NOC4L: variants seen among roughly 807,000 people sequenced by gnomAD.
NOC4L encodes nucleolar complex associated 4 homolog, also known as nucleolar complex protein 4 homolog.
NOC4L carries 40 observed loss-of-function variants against 62.8 expected under a neutral mutation model. The observed-to-expected ratio is 0.64, with a 90% CI of 0.49 to 0.83. NOC4L has a LOEUF of 0.83. Among genes scored for constraint, NOC4L ranks in the 40% least tolerant of loss-of-function variants. The pLI is 0.00. For missense variants in NOC4L, 927 were observed against 701.9 expected, an observed-to-expected ratio of 1.32 and a Z score of -3.62; for synonymous variants, 433 against 299.8, an observed-to-expected ratio of 1.44 and a Z score of -4.59.
At position 132,148,781 on chromosome 12, in the gene NOC4L, C is replaced by A. The variant is rs776153814; in HGVS notation, c.790-3C>A. ...TCACCCCCACCTGCCGGCCCCCGCC[C>A]AGCTGCCCCTCAGCCTCTACAAGAA... On this transcript the variant is annotated splice_region_variant and splice_polypyrimidine_tract_variant and intron_variant, in intron 8 of 14. Transcript: ENST00000330579. 3 of 1,559,502 alleles carry A rather than the reference C, an allele frequency of 1.9e-6. No homozygotes were observed. Among genetic ancestry groups the A allele is most frequent in the African/African-American group, 2.7e-5 (2 of 72,942 alleles).
rs1328872295 is a variant in NOC4L at position 132,145,047 on chromosome 12, G to A, written c.238+73G>A. On this transcript the variant is annotated intron_variant, in intron 2 of 14. Transcript: ENST00000330579. ...GAGGGAGGCTTTGTCACCATGGGAT[G>A]AGCGCCCCCAACCCTGGCACAGGCC... 6.0e-6 allele frequency: 9 copies of A among 1,506,584 alleles called. No individual in the cohort carries two copies. The East Asian group carries it at 1.2e-4, about 21-fold the overall frequency. 93.3% of individuals were successfully genotyped at this position (1,506,584 alleles called of 1,614,324 possible). A position where few individuals can be genotyped will look rare whatever the true frequency, so the allele number is the denominator to read the frequency against.
At chr12:132,151,209 C>G (rs777212666) in intron 10 of NOC4L, 49 bp from the exon 11 acceptor site, 1 of 1,529,300 alleles carries the variant, frequency 6.5e-7, no homozygotes, top group South Asian at 1.1e-5. Context: ...TTGGAGGCCT[C>G]AGTTCCCGGG....
intron 4 of NOC4L, 117 bp downstream of exon 4, chr12:132,147,505 T>G: frequency 6.9e-7 from 1 of 1,444,050 alleles, no homozygotes; most frequent in East Asian, 2.4e-5. Flanking sequence ...GGGACACTCC[T>G]GTGGCTCCTG....
chr12:132,146,152 C>G, intron 3 of NOC4L: 1 of 437,504 alleles, frequency 2.3e-6, no homozygotes, highest in Non-Finnish European at 4.7e-6. Flanking sequence ...CCATCGCTTC[C>G]ATATCCCGCC....
rs368103497 is a variant in NOC4L, at chr12:132,148,807, G to C, written c.813G>C (p.Lys271Asn). 2.2e-5 allele frequency: 35 copies of C among 1,593,410 alleles called. No homozygotes were observed. The highest frequency in any genetic ancestry group is 2.8e-5 in the Non-Finnish European group (33 of 1,174,228). ...AGCTGCCCCTCAGCCTCTACAAGAAGGTGCTGCTGATTGTGCATGACGCCA... is the reference window on the plus strand; with the variant it reads ...AGCTGCCCCTCAGCCTCTACAAGAACGTGCTGCTGATTGTGCATGACGCCA... Reference protein sequence around the residue: ...KHKLPLSLYKKVLLIVHDAIL... With the variant: ...KHKLPLSLYKNVLLIVHDAIL... The change falls in exon 9 of 15, where the codon AAG (lysine) becomes AAC (asparagine). Residue 271 changes from lysine to asparagine, a missense_variant. Transcript: ENST00000330579.
At chr12:132,146,536 G>A (rs1237251349) in intron 3 of NOC4L, among the ~76,000 whole-genome samples, 1 of 152,174 alleles carries the variant, frequency 6.6e-6, no homozygotes, top group African/African-American at 2.4e-5. Flanking sequence ...GGAACTACAA[G>A]ACTGTTTTCC....
Position 132,148,858 on chromosome 12 carries a change from G to A in NOC4L, c.864G>A (p.Thr288=), listed in dbSNP as rs377205374. 610 of 1,599,776 alleles carry A rather than the reference G, an allele frequency of 3.8e-4. 6 individuals carry two copies. The highest frequency in any genetic ancestry group is 2.8e-3 in the South Asian group (250 of 90,136). The change falls in exon 9 of 15, where the codon ACG becomes ACA. Residue 288 remains threonine (T), a synonymous_variant. Transcript: ENST00000330579. ...TCCTGCCGCAGCTGGCGCAGCCCAC[G>A]CTCATGATCGACTTCCTCACCCGCG... is the stretch of plus-strand genomic sequence containing the variant. ...DAILPQLAQP[T]LMIDFLTRAC... is the part of the protein sequence containing the mutation.
At chr12:132,150,856 G>T (rs561042053) in intron 9 of NOC4L, 125 bp from the exon 10 acceptor site, 5 of 710,582 alleles carry the variant, frequency 7.0e-6, no homozygotes, top group African/African-American at 1.8e-5. Flanking sequence ...CTTTGTGTCC[G>T]TGGGGGCTGT....
intron 3 of NOC4L, among the ~76,000 whole-genome samples, chr12:132,146,773 CAG>C (rs1297206143): frequency 3.3e-5 from 5 of 152,146 alleles, no homozygotes; most frequent in Non-Finnish European, 5.9e-5. Context: ...GAGGGAGAGT[CAG>C]AGACAGCTCT....
chr12:132,152,281 G>C lies in NOC4L; in HGVS notation c.1432-1G>C. The C allele has an allele frequency of 1.3e-6, 2 of 1,571,052 alleles. No individual in the cohort carries two copies. The highest frequency in any genetic ancestry group is 1.7e-6 in the Non-Finnish European group (2 of 1,158,620). On this transcript the variant is annotated splice_acceptor_variant, in intron 14 of 14. Transcript: ENST00000330579. LOFTEE classifies it high-confidence loss of function. ...GAGCCGCCGTGCTTTGTGCTTTGCA[G>C]ATCTTTGAGCGGGACCTGAAGAAGA...
chr12:132,150,813 C>T (rs565305583), intron 9 of NOC4L, 168 bp from the exon 10 acceptor site: 2 of 621,316 alleles, frequency 3.2e-6, no homozygotes, highest in South Asian at 1.9e-5. Context: ...CTGCCTCCAC[C>T]CCCCACTCCC....
Position 132,144,891 on chromosome 12 carries a change from C to T in NOC4L, c.155C>T (p.Thr52Met), listed in dbSNP as rs777269921. ...DQEEIQEAVR[T>M]CSRLFGALLE... Reference sequence around the variant, plus strand: ...GAGGAGATCCAGGAAGCAGTCCGCACGTGCAGCCGTCTTTTCGGGGCCTTG... The same window carrying T: ...GAGGAGATCCAGGAAGCAGTCCGCATGTGCAGCCGTCTTTTCGGGGCCTTG... Residue 52 changes from threonine to methionine, a missense_variant, in exon 2 of 15, where the codon ACG becomes ATG. Physicochemically the swap from Thr to Met is moderately conservative, Grantham distance 81. Coordinates refer to ENST00000330579, the MANE Select transcript of NOC4L (RefSeq NM_024078.3). 3 of 1,602,238 alleles carry T rather than the reference C, an allele frequency of 1.9e-6. No individual in the cohort carries two copies. In the Admixed American group the frequency reaches 5.2e-5, roughly 28 times the overall value.
intron 2 of NOC4L, 62 bp from the exon 3 acceptor site, chr12:132,145,497 G>A: frequency 1.8e-6 from 2 of 1,128,320 alleles, no homozygotes; most frequent in Non-Finnish European, 2.6e-6. Context: ...TGAGATTTTG[G>A]GCTGGGCCCA....
chr12:132,152,458 T>C lies in NOC4L; in HGVS notation c.*57T>C. Reference sequence around the variant, plus strand: ...ACCCCAGCCCACCTGTGAATAAATGTTTTTGCAGGAGAAAGGCTCAGGGAG... The same window carrying C: ...ACCCCAGCCCACCTGTGAATAAATGCTTTTGCAGGAGAAAGGCTCAGGGAG... On this transcript the variant is annotated 3_prime_UTR_variant, in exon 15 of 15. Transcript: ENST00000330579. 2.0e-6 allele frequency: 3 copies of C among 1,508,736 alleles called. No homozygotes were observed. The highest frequency in any genetic ancestry group is 2.7e-6 in the Non-Finnish European group (3 of 1,123,602). The allele number at this position is 1,508,736 out of a possible 1,614,324, so 93.5% of individuals were successfully genotyped here. A position where few individuals can be genotyped will look rare whatever the true frequency, so the allele number is the denominator to read the frequency against.
Position 132,152,080 on chromosome 12 carries a change from C to G in NOC4L, c.1318-4C>G. ...GCTGCCTCTTAACGGCCCTACTGCC[C>G]CAGGCCCTCCAGCGCCACTACCACC... On this transcript the variant is annotated splice_polypyrimidine_tract_variant and splice_region_variant and intron_variant, in intron 13 of 14. Transcript: ENST00000330579. 1 of 1,609,626 alleles carries G rather than the reference C, an allele frequency of 6.2e-7. No individual in the cohort carries two copies. Among genetic ancestry groups the G allele is most frequent in the Non-Finnish European group, 8.5e-7 (1 of 1,179,130 alleles).
At chr12:132,146,034 A>G (rs1267542148) in intron 3 of NOC4L, among the ~76,000 whole-genome samples, 2 of 152,246 alleles carry the variant, frequency 1.3e-5, no homozygotes, top group African/African-American at 2.4e-5. Flanking sequence ...ACTGAGGCAC[A>G]GTTTACCGTT....
rs749190564 is a variant in NOC4L, at chr12:132,148,619, G to C, written c.749G>C (p.Arg250Thr). ...WKVAHLKEHR[R>T]VFQAMWLSFL... ...TGGACCCCGTTGCAGGAGCACAGGA[G>C]GGTTTTCCAGGCCATGTGGCTCAGC... is the stretch of plus-strand genomic sequence containing the variant. The change falls in exon 8 of 15, where the codon AGG becomes ACG. Residue 250 changes from arginine to threonine, a missense_variant. Coordinates refer to ENST00000330579, the MANE Select transcript of NOC4L (RefSeq NM_024078.3). 6.5e-7 allele frequency: 1 copy of C among 1,549,574 alleles called. No homozygotes were observed. Among genetic ancestry groups the C allele is most frequent in the South Asian group, 1.2e-5 (1 of 84,002 alleles).
At chr12:132,148,733 G>A (rs1227500274) in intron 8 of NOC4L, 51 bp from the exon 9 acceptor site, 15 of 217,918 alleles carry the variant, frequency 6.9e-5, no homozygotes, top group Non-Finnish European at 8.7e-5. Context: ...ACCCCGACCC[G>A]CCGGCCCCCG....
At chr12:132,145,527 C>A in intron 2 of NOC4L, 32 bp from the exon 3 acceptor site, 1 of 1,487,732 alleles carries the variant, frequency 6.7e-7, no homozygotes, top group Non-Finnish European at 9.3e-7. Flanking sequence ...ATGTGGGCCT[C>A]ACGTGGGCTG....
Sources: gnomAD v4.1 joint callset for allele counts (sites outside exome capture counted in the v4.1 genomes callset) on GRCh38, gnomAD v4.1.1 for gene constraint, MANE v1.5 for transcripts, NCBI Gene and HGNC (gene_info 2026-07-23, HGNC 2026-07-21) for gene names.